Variants in MYBPC1 observed in about 807,000 individuals in gnomAD.
The protein encoded by MYBPC1 is myosin binding protein C1.
In MYBPC1, 52 loss-of-function variants were observed where a neutral mutation model predicts 147.1. The ratio of observed to expected loss-of-function variants is 0.35; its 90% CI spans 0.28 to 0.45. MYBPC1 has a LOEUF of 0.45. Among genes scored for constraint, MYBPC1 ranks in the 20% least tolerant of loss-of-function variants. MYBPC1 has a pLI of 1.00. For synonymous variants in MYBPC1, 477 were observed against 475.9 expected, an observed-to-expected ratio of 1.00 and a Z score of -0.03; for missense variants, 1,228 against 1,440.3, an observed-to-expected ratio of 0.85 and a Z score of 2.39.
intron 22 of MYBPC1, chr12:101,666,910 CACACACACACACACACACAT>C (rs1897572307): frequency 3.4e-6 from 2 of 587,184 alleles, no homozygotes; most frequent in African/African-American, 1.9e-5. Context: ...CACACACACA[CACACACACACACACACACAT>C]ACACACACAC....
At position 101,629,494 on chromosome 12, in the gene MYBPC1, A is replaced by C; in HGVS notation, c.239A>C (p.Gln80Pro). 6.2e-7 allele frequency: 1 copy of C among 1,614,048 alleles called. No homozygotes were observed. Among genetic ancestry groups the C allele is most frequent in the Non-Finnish European group, 8.5e-7 (1 of 1,179,962 alleles). Residue 80 changes from glutamine (Q) to proline (P), a missense_variant, in exon 6 of 32, where the codon CAG becomes CCG. Physicochemically the swap from Gln to Pro is moderately conservative, Grantham distance 76. Coordinates refer to ENST00000361466, the MANE Select transcript of MYBPC1 (RefSeq NM_002465.4). ...CAAGCCAAGCAGAATGCCAACTCCC[A>C]GCTGTCCATCTTGTTCATTGAAAAA... ...EEQAKQNANS[Q>P]LSILFIEKPQ... is the part of the protein sequence containing the mutation.
chr12:101,604,006 C>A (rs1881178621), intron 1 of MYBPC1, among the ~76,000 whole-genome samples: 1 of 152,170 alleles, frequency 6.6e-6, no homozygotes, highest in African/African-American at 2.4e-5. Context: ...GTTAACAATT[C>A]AAATTGCTTT....
Position 101,617,168 on chromosome 12 carries a change from C to T in MYBPC1, c.62-34C>T, listed in dbSNP as rs372185039. The T allele has an allele frequency of 6.2e-6, 10 of 1,611,676 alleles. No homozygotes were observed. In the Admixed American group the frequency reaches 1.3e-4, roughly 22 times the overall value. On this transcript the variant is annotated intron_variant, in intron 2 of 31. Transcript: ENST00000361466. ...CATCACACAATAAAATGCTTTAAGGCACTTTAAAAAATATGCTTGTACTTT... is the reference window on the plus strand; with the variant it reads ...CATCACACAATAAAATGCTTTAAGGTACTTTAAAAAATATGCTTGTACTTT...
chr12:101,670,672 T>C (rs1898454131), intron 24 of MYBPC1, among the ~76,000 whole-genome samples: 1 of 152,182 alleles, frequency 6.6e-6, no homozygotes, highest in Non-Finnish European at 1.5e-5. Flanking sequence ...GCGACTATGG[T>C]GGGCAGGGAA....
chr12:101,627,981 T>G lies in MYBPC1; in HGVS notation c.178+177T>G. The G allele has an allele frequency of 4.1e-6, 3 of 731,346 alleles. No individual in the cohort carries two copies. In the South Asian group the frequency reaches 5.0e-5, roughly 12 times the overall value. The allele number at this position is 731,346 out of a possible 1,614,324, so 45.3% of individuals were successfully genotyped here. On this transcript the variant is annotated intron_variant, in intron 5 of 31. Transcript: ENST00000361466. ...CTAATGTATTGAGAAACAATTAATT[T>G]TGCATGATACACACGCATTCAAGGA...
chr12:101,620,342 T>C (rs1446657205), intron 3 of MYBPC1, among the ~76,000 whole-genome samples: 3 of 152,354 alleles, frequency 2.0e-5, no homozygotes, highest in East Asian at 3.9e-4. Context: ...CTTTTCTGTA[T>C]GCTCAGTGGG....
intron 26 of MYBPC1, among the ~76,000 whole-genome samples, chr12:101,675,727 A>T (rs1242570719): frequency 6.6e-6 from 1 of 152,242 alleles, no homozygotes; most frequent in Non-Finnish European, 1.5e-5. Context: ...ATTATTACAA[A>T]GCTAAAATGA....
chr12:101,629,613 CT>C lies in MYBPC1; in HGVS notation c.289+70del, dbSNP rs201965296. The C allele has an allele frequency of 0.055, 61,842 of 1,125,716 alleles. 2,413 individuals are homozygous for C. The highest frequency in any genetic ancestry group is 0.14 in the South Asian group (11,106 of 76,922). 69.7% of individuals were successfully genotyped at this position (1,125,716 alleles called of 1,614,324 possible). A position where few individuals can be genotyped will look rare whatever the true frequency, so the allele number is the denominator to read the frequency against. On this transcript the variant is annotated intron_variant, in intron 6 of 31. Coordinates refer to ENST00000361466, the MANE Select transcript of MYBPC1 (RefSeq NM_002465.4). ...GTGAGCCGAGCACGGTGCCTCACGC[CT>C]GTAATCCCAGCACTCTGGGAGGTCC...
At chr12:101,692,947 CTTTTTT>C in the MYBPC1 span, among the ~76,000 whole-genome samples, 1 of 129,134 alleles carries the variant, frequency 7.7e-6, no homozygotes, top group East Asian at 2.3e-4. Context: ...ATTACCTTCA[CTTTTTT>C]TTTTTTTTTT....
intron 22 of MYBPC1, chr12:101,666,403 C>A (rs1897422325): frequency 3.2e-6 from 1 of 316,162 alleles, no homozygotes; most frequent in South Asian, 3.0e-5. Context: ...CCAGGACCTG[C>A]TCCTCTGTTT....
chr12:101,641,912 T>C (rs1005260529), intron 10 of MYBPC1, among the ~76,000 whole-genome samples: 24 of 152,070 alleles, frequency 1.6e-4, no homozygotes, highest in African/African-American at 5.8e-4. Context: ...ATTTGCAAAA[T>C]CCAAATGTTT....
chr12:101,640,736 C>G (rs1891857060), intron 10 of MYBPC1, among the ~76,000 whole-genome samples: 1 of 152,172 alleles, frequency 6.6e-6, no homozygotes, highest in African/African-American at 2.4e-5. Context: ...TAATGCCACC[C>G]TAAACTCTAT....
intron 1 of MYBPC1, among the ~76,000 whole-genome samples, chr12:101,613,547 T>C (rs934815866): frequency 2.0e-5 from 3 of 152,220 alleles, no homozygotes; most frequent in African/African-American, 7.2e-5. Flanking sequence ...GAGTGAGTGA[T>C]ACTCACATGT....
At chr12:101,663,385 T>G in intron 21 of MYBPC1, 41 bp from the exon 22 acceptor site, 1 of 1,557,464 alleles carries the variant, frequency 6.4e-7, no homozygotes, top group Non-Finnish European at 8.9e-7. Context: ...TATAGCTGTG[T>G]AGTAAATAGT....
At chr12:101,625,910 C>A (rs560480255) in intron 3 of MYBPC1, among the ~76,000 whole-genome samples, 16 of 151,860 alleles carry the variant, frequency 1.1e-4, no homozygotes, top group Admixed American at 8.5e-4. Flanking sequence ...ATGGTGAAAC[C>A]CCGTCTCTAC....
intron 3 of MYBPC1, among the ~76,000 whole-genome samples, chr12:101,622,859 T>C (rs1887742386): frequency 6.6e-6 from 1 of 152,222 alleles, no homozygotes; most frequent in Non-Finnish European, 1.5e-5. Flanking sequence ...AGATTGCCAA[T>C]TGAGAAGTAA....
At chr12:101,634,956 G>A (rs1890703977) in intron 9 of MYBPC1, among the ~76,000 whole-genome samples, 1 of 152,138 alleles carries the variant, frequency 6.6e-6, no homozygotes, top group Non-Finnish European at 1.5e-5. Context: ...TCATTTCATT[G>A]GTTAAGTCAC....
chr12:101,646,414 A>C (rs1209112719), intron 12 of MYBPC1, among the ~76,000 whole-genome samples: 1 of 152,172 alleles, frequency 6.6e-6, no homozygotes. Context: ...TGGGAGGCTG[A>C]GGCAGGAACG....
intron 8 of MYBPC1, among the ~76,000 whole-genome samples, chr12:101,632,796 C>A (rs554168589): frequency 2.6e-4 from 40 of 152,318 alleles, no homozygotes; most frequent in African/African-American, 9.6e-4. Flanking sequence ...GTGGCACTGT[C>A]TTGGTTCACC....
Sources: allele counts gnomAD v4.1 joint callset (sites outside exome capture counted in the v4.1 genomes callset), GRCh38; gene constraint gnomAD v4.1.1; transcripts MANE v1.5; gene names NCBI Gene and HGNC (gene_info 2026-07-23, HGNC 2026-07-21).